Variants in PPP3CA observed in about 807,000 individuals in gnomAD.
PPP3CA encodes protein phosphatase 3 catalytic subunit alpha, also known as CAM-PRP catalytic subunit.
Under a neutral mutation model 66.5 loss-of-function variants are expected in PPP3CA, and 14 were observed. The ratio of observed to expected loss-of-function variants is 0.21; its 90% confidence interval spans 0.14 to 0.33. The LOEUF (loss-of-function observed/expected upper bound fraction) is 0.33, where lower values mean the gene tolerates loss of function less well. Ranked by LOEUF, PPP3CA falls within the 10% of genes least tolerant of loss-of-function variation. The pLI is 1.00. For synonymous variants in PPP3CA, 232 were observed against 226.2 expected, an observed-to-expected ratio of 1.03 and a Z score of -0.23; for missense variants, 317 against 639.5, an observed-to-expected ratio of 0.50 and a Z score of 5.44.
At chr4:101,059,706 A>C (rs182648060) in intron 10 of PPP3CA, among the ~76,000 whole-genome samples, 1 of 151,998 alleles carries the variant, frequency 6.6e-6, no homozygotes, top group Admixed American at 6.6e-5. Context: ...ATCCATTTAA[A>C]CTCACCATAA....
chr4:101,095,743 C>T (rs1279579331), intron 5 of PPP3CA, among the ~76,000 whole-genome samples: 4 of 152,116 alleles, frequency 2.6e-5, no homozygotes, highest in African/African-American at 9.7e-5. Flanking sequence ...CCTCCACCTC[C>T]CAGGTTCAAG....
chr4:101,167,903 C>G (rs75447779), intron 2 of PPP3CA, among the ~76,000 whole-genome samples: 315 of 152,214 alleles, frequency 2.1e-3, no homozygotes, highest in African/African-American at 7.2e-3. Flanking sequence ...AAAGGCAGAA[C>G]AGGCAAAGGA....
chr4:101,292,092 ACACAC>A (rs1728047016), intron 1 of PPP3CA, among the ~76,000 whole-genome samples: 1 of 130,164 alleles, frequency 7.7e-6, no homozygotes, highest in African/African-American at 3.4e-5. Context: ...ACACACACAC[ACACAC>A]ACACACACAC....
chr4:101,305,429 A>C (rs192261823), intron 1 of PPP3CA, among the ~76,000 whole-genome samples: 9 of 152,310 alleles, frequency 5.9e-5, no homozygotes, highest in Non-Finnish European at 1.2e-4. Flanking sequence ...GTCTTTACAG[A>C]ATTGTATTTC....
intron 1 of PPP3CA, among the ~76,000 whole-genome samples, chr4:101,245,472 AT>A (rs1434126831): frequency 1.3e-5 from 2 of 152,088 alleles, no homozygotes; most frequent in Non-Finnish European, 2.9e-5. Flanking sequence ...CAGGTTTTTC[AT>A]TTGTTTGTTT....
intron 2 of PPP3CA, among the ~76,000 whole-genome samples, chr4:101,128,376 T>C (rs1304796288): frequency 5.3e-5 from 8 of 152,172 alleles, no homozygotes; most frequent in African/African-American, 9.7e-5. Flanking sequence ...AACATCACTA[T>C]GTTGTACACC....
In PPP3CA at chr4:101,098,703, G is replaced by A. The variant is rs6845625; in HGVS notation, c.497-191C>T. 0.046 allele frequency among the ~76,000 whole-genome samples: 7,042 copies of A among 151,814 alleles called. 249 individuals carry two copies. Among genetic ancestry groups the A allele is most frequent in the Non-Finnish European group, 0.066 (4,493 of 67,920 alleles). ...TAATCTTTTATATCTAGTATTTCCT[G>A]TTTTTGTCATTTATTAATTCATACT... On this transcript the variant is annotated intron_variant, in intron 4 of 13. Transcript: ENST00000394854.
intron 2 of PPP3CA, among the ~76,000 whole-genome samples, chr4:101,182,744 T>C (rs1724280628): frequency 6.6e-6 from 1 of 152,098 alleles, no homozygotes; most frequent in Admixed American, 6.6e-5. Context: ...CATAGTGAAT[T>C]CCGACGTGTT....
chr4:101,158,745 A>G (rs909948514), intron 2 of PPP3CA, among the ~76,000 whole-genome samples: 1 of 152,198 alleles, frequency 6.6e-6, no homozygotes, highest in Non-Finnish European at 1.5e-5. Flanking sequence ...AAATTAGTGA[A>G]TCCTATGAAT....
rs200919158 is a variant in PPP3CA at position 101,043,816 on chromosome 4, G to A, written c.1157-3250C>T. On this transcript the variant is annotated intron_variant, in intron 10 of 13. Coordinates refer to ENST00000394854, the MANE Select transcript of PPP3CA (RefSeq NM_000944.5). ...GTTGAACCTGGGAGGCAGAGGTTGC[G>A]GTGAGCCGAGATTGTGCCATTGCAC... 4.6e-5 allele frequency among the ~76,000 whole-genome samples: 7 copies of A among 151,932 alleles called. No homozygotes were observed. In the East Asian group the frequency reaches 1.2e-3, roughly 26 times the overall value.
At chr4:101,084,653 A>C (rs1729582897) in intron 6 of PPP3CA, among the ~76,000 whole-genome samples, 1 of 152,152 alleles carries the variant, frequency 6.6e-6, no homozygotes, top group Non-Finnish European at 1.5e-5. Flanking sequence ...CAAAAAAAAA[A>C]AAAGAAAGAT....
At chr4:101,195,106 C>T (rs1724743325) in intron 2 of PPP3CA, among the ~76,000 whole-genome samples, 2 of 151,728 alleles carry the variant, frequency 1.3e-5, no homozygotes, top group Non-Finnish European at 2.9e-5. Flanking sequence ...AACACCATCT[C>T]TACAAAAATA....
chr4:101,122,803 T>C (rs1001037509), intron 2 of PPP3CA, among the ~76,000 whole-genome samples: 2 of 152,170 alleles, frequency 1.3e-5, no homozygotes, highest in Non-Finnish European at 2.9e-5. Flanking sequence ...GAACAATTCC[T>C]GTAATGTTTA....
rs114940484 is a variant in PPP3CA at position 101,322,182 on chromosome 4, G to A, written c.58+24557C>T. ...AAAAAATAGATAGCACAGTCTATTC[G>A]AAAATGCATGAAAATCACTACCGCT... On this transcript the variant is annotated intron_variant, in intron 1 of 13. Coordinates refer to ENST00000394854, the MANE Select transcript of PPP3CA (RefSeq NM_000944.5). 6.5e-3 allele frequency among the ~76,000 whole-genome samples: 983 copies of A among 152,150 alleles called. 11 individuals carry two copies. Among genetic ancestry groups the A allele is most frequent in the African/African-American group, 0.022 (932 of 41,502 alleles).
At chr4:101,282,735 G>T (rs1040787714) in intron 1 of PPP3CA, among the ~76,000 whole-genome samples, 1 of 152,114 alleles carries the variant, frequency 6.6e-6, no homozygotes, top group African/African-American at 2.4e-5. Flanking sequence ...CTGCTGAGAT[G>T]CAGGAAGTAA....
At chr4:101,321,514 T>G (rs1051991195) in intron 1 of PPP3CA, among the ~76,000 whole-genome samples, 2 of 152,214 alleles carry the variant, frequency 1.3e-5, no homozygotes, top group Non-Finnish European at 2.9e-5. Flanking sequence ...AGAATGAATG[T>G]CATTCCATCT....
chr4:101,275,868 TTTTG>T (rs1303424040), intron 1 of PPP3CA, among the ~76,000 whole-genome samples: 224 of 144,270 alleles, frequency 1.6e-3, no homozygotes, highest in African/African-American at 5.4e-3. Flanking sequence ...GTGGTTTTTT[TTTTG>T]TTTTTTGTTT....
intron 1 of PPP3CA, among the ~76,000 whole-genome samples, chr4:101,297,195 G>T (rs1467838354): frequency 6.6e-6 from 1 of 152,148 alleles, no homozygotes; most frequent in Non-Finnish European, 1.5e-5. Flanking sequence ...GTGACAAGTT[G>T]TCTGGGCTTC....
At chr4:101,063,095 T>C in intron 9 of PPP3CA, 137 bp downstream of exon 9, 1 of 1,138,760 alleles carries the variant, frequency 8.8e-7, no homozygotes, top group South Asian at 1.8e-5. Context: ...CACTGCCACT[T>C]CCAAATCACA....
Sources: gnomAD v4.1 joint callset for allele counts (sites outside exome capture counted in the v4.1 genomes callset) on GRCh38, gnomAD v4.1.1 for gene constraint, MANE v1.5 for transcripts, NCBI Gene and HGNC (gene_info 2026-07-23, HGNC 2026-07-21) for gene names.